Variants in PCDHGA10 observed in about 807,000 individuals in gnomAD.
PCDHGA10 encodes the protein protocadherin gamma subfamily A, 10, also known as protocadherin gamma-A10.
A neutral mutation model predicts 59.5 loss-of-function variants in PCDHGA10; 42 were observed. The ratio of observed to expected loss-of-function variants is 0.71; its 90% CI spans 0.55 to 0.91. PCDHGA10 has a LOEUF of 0.91. Among genes scored for constraint, PCDHGA10 ranks in the 40% least tolerant of loss-of-function variants. PCDHGA10 has a pLI of 0.00. For synonymous variants in PCDHGA10, 511 were observed against 517.2 expected (o/e 0.99, Z 0.16); for missense variants, 1,111 against 1,198.2 (o/e 0.93, Z 1.07).
intron 1 of PCDHGA10, among the ~76,000 whole-genome samples, chr5:141,480,839 G>A (rs1397361640): frequency 6.6e-6 from 1 of 152,196 alleles, no homozygotes; most frequent in Non-Finnish European, 1.5e-5. Context: ...AAGATCAGGA[G>A]TTTGAGACCA....
chr5:141,491,723 G>C lies in PCDHGA10; in HGVS notation c.2437-3084G>C. The C allele has an allele frequency of 1.2e-6, 2 of 1,606,770 alleles. No homozygotes were observed. The highest frequency in any genetic ancestry group is 1.7e-6 in the Non-Finnish European group (2 of 1,177,028). On this transcript the variant is annotated intron_variant, in intron 1 of 3. Transcript: ENST00000398610. The surrounding 1 kb of genome is among the most constrained non-coding windows in gnomAD (Gnocchi z 6.9). The stretch of plus-strand genomic sequence containing the variant: ...CAGGTGAGGGGCTCGGCGCCGCCCC[G>C]GGCGACCCCTGGGGGCGGCACTGGA...
chr5:141,450,568 C>A (rs2098685790), intron 1 of PCDHGA10, among the ~76,000 whole-genome samples: 1 of 152,002 alleles, frequency 6.6e-6, no homozygotes. Flanking sequence ...CTCACTGCAA[C>A]TTCTGCCTCC....
intron 1 of PCDHGA10, chr5:141,418,421 G>A (rs776535087): frequency 2.5e-6 from 4 of 1,613,966 alleles, no homozygotes; most frequent in Non-Finnish European, 3.4e-6. Flanking sequence ...CAATCCTGAT[G>A]GTGGCAAATA....
At chr5:141,479,242 A>G (rs2099491093) in intron 1 of PCDHGA10, 1 of 152,320 alleles carries the variant, frequency 6.6e-6, no homozygotes, top group African/African-American at 2.4e-5. Context: ...AAACCCAAAG[A>G]TAACCATTTT....
chr5:141,472,853 G>A (rs1283601489), intron 1 of PCDHGA10, among the ~76,000 whole-genome samples: 1 of 151,738 alleles, frequency 6.6e-6, no homozygotes, highest in Non-Finnish European at 1.5e-5. Flanking sequence ...GGGCATGGTG[G>A]CACATGCCTG....
chr5:141,419,220 A>G (rs2096345873), intron 1 of PCDHGA10: 1 of 1,613,966 alleles, frequency 6.2e-7, no homozygotes, highest in Non-Finnish European at 8.5e-7. Context: ...GTTTTCGGAC[A>G]GTCAGCCTAC....
At chr5:141,440,954 G>A (rs908507291) in intron 1 of PCDHGA10, 9 of 152,184 alleles carry the variant, frequency 5.9e-5, no homozygotes, top group Non-Finnish European at 1.0e-4. Flanking sequence ...GAGTGTCAAG[G>A]CAGAGATCAC....
chr5:141,437,484 T>C (rs547317864), intron 1 of PCDHGA10, among the ~76,000 whole-genome samples: 2 of 152,332 alleles, frequency 1.3e-5, no homozygotes, highest in South Asian at 4.1e-4. Flanking sequence ...ATATTTAATC[T>C]CGTAGATCAC....
intron 1 of PCDHGA10, among the ~76,000 whole-genome samples, chr5:141,437,514 C>G (rs2097891371): frequency 6.6e-6 from 1 of 152,114 alleles, no homozygotes; most frequent in South Asian, 2.1e-4. Flanking sequence ...AATTATAAGG[C>G]TGATGACAAA....
Position 141,487,649 on chromosome 5 carries a change from G to T in PCDHGA10, c.2437-7158G>T. The T allele has an allele frequency of 1.2e-6, 2 of 1,614,020 alleles. No individual in the cohort carries two copies. The highest frequency in any genetic ancestry group is 1.7e-6 in the Non-Finnish European group (2 of 1,179,968). The stretch of plus-strand genomic sequence containing the variant: ...TTTGCAGGCTCAACAAATGCTTGAG[G>T]GTTATTCTGATCCAGGCATATGGCT... On this transcript the variant is annotated intron_variant, in intron 1 of 3. Coordinates refer to ENST00000398610, the MANE Select transcript of PCDHGA10 (RefSeq NM_018913.3). This position sits in a 1 kb window ranked among gnomAD's most constrained non-coding sequence, Gnocchi z 5.0.
At chr5:141,435,497 C>T (rs1234443531) in intron 1 of PCDHGA10, among the ~76,000 whole-genome samples, 1 of 152,154 alleles carries the variant, frequency 6.6e-6, no homozygotes, top group African/African-American at 2.4e-5. Context: ...ATTTCCTACA[C>T]TAATGATACT....
At chr5:141,500,315 G>C (rs944076867) in intron 2 of PCDHGA10, among the ~76,000 whole-genome samples, 41 of 151,522 alleles carry the variant, frequency 2.7e-4, no homozygotes, top group African/African-American at 9.5e-4. Flanking sequence ...TTCACGCCAT[G>C]CTCCTGCCTC....
At position 141,485,681 on chromosome 5, in the gene PCDHGA10, T is replaced by A; in HGVS notation, c.2437-9126T>A. The A allele has an allele frequency of 6.2e-7, 1 of 1,614,074 alleles. No homozygotes were observed. The highest frequency in any genetic ancestry group is 8.5e-7 in the Non-Finnish European group (1 of 1,179,966). ...TGTGGGGAGCAATTCGATTAGCAGC[T>A]ATAGGCTGAGCTCCAATGAACACTT... On this transcript the variant is annotated intron_variant, in intron 1 of 3. Transcript: ENST00000398610. The surrounding 1 kb of genome is among the most constrained non-coding windows in gnomAD (Gnocchi z 5.7).
chr5:141,472,928 G>A (rs926768431), intron 1 of PCDHGA10, among the ~76,000 whole-genome samples: 13 of 150,136 alleles, frequency 8.7e-5, no homozygotes, highest in Admixed American at 2.7e-4. Flanking sequence ...GGAGGTTGTG[G>A]TGAGCCAAGA....
Position 141,413,881 on chromosome 5 carries a change from G to C in PCDHGA10, c.706G>C (p.Val236Leu), listed in dbSNP as rs774026375. The change falls in exon 1 of 4, where the codon GTC becomes CTC. Residue 236 changes from valine (V) to leucine (L), a missense_variant. Coordinates refer to ENST00000398610, the MANE Select transcript of PCDHGA10 (RefSeq NM_018913.3). ...RSGTVLVSVTVFDANDNAPVF... is the reference protein window; with the variant it reads ...RSGTVLVSVTLFDANDNAPVF... ...TGGCACTGTCCTTGTCAGTGTGACTGTCTTCGATGCAAATGACAACGCGCC... is the reference window on the plus strand; with the variant it reads ...TGGCACTGTCCTTGTCAGTGTGACTCTCTTCGATGCAAATGACAACGCGCC... 3.1e-6 allele frequency: 5 copies of C among 1,613,400 alleles called. No individual in the cohort carries two copies. The highest frequency in any genetic ancestry group is 4.2e-6 in the Non-Finnish European group (5 of 1,179,884).
At chr5:141,427,770 C>T (rs775095791) in intron 1 of PCDHGA10, 2 of 1,399,194 alleles carry the variant, frequency 1.4e-6, no homozygotes, top group Non-Finnish European at 2.0e-6. Context: ...TGACTTGGAG[C>T]TGCGGGCACT....
intron 1 of PCDHGA10, chr5:141,417,697 C>T: frequency 8.8e-7 from 1 of 1,140,966 alleles, no homozygotes; most frequent in Non-Finnish European, 1.2e-6. Context: ...AAAACCAGCT[C>T]CCACACAGAG....
In PCDHGA10 at chr5:141,475,307, T is replaced by C. The variant is rs527879991; in HGVS notation, c.2437-19500T>C. The stretch of plus-strand genomic sequence containing the variant: ...GGTAGGGAAATTTCTTATTGCTCCC[T>C]GGTTCTTAAGAAATGAGAGCTAACA... On this transcript the variant is annotated intron_variant, in intron 1 of 3. Transcript: ENST00000398610. 2.8e-4 allele frequency among the ~76,000 whole-genome samples: 43 copies of C among 152,348 alleles called. 1 individual carries two copies. Among genetic ancestry groups the C allele is most frequent in the Admixed American group, 8.5e-4 (13 of 15,298 alleles).
intron 1 of PCDHGA10, among the ~76,000 whole-genome samples, chr5:141,467,743 C>T (rs1166073224): frequency 8.5e-5 from 13 of 152,052 alleles, no homozygotes; most frequent in Non-Finnish European, 1.8e-4. Flanking sequence ...CTCGCTGCAA[C>T]CTCCGCCTCA....
Sources: gnomAD v4.1 joint callset for allele counts (sites outside exome capture counted in the v4.1 genomes callset) on GRCh38, gnomAD v4.1.1 for gene constraint, Gnocchi (gnomAD v3.1) non-coding constraint, MANE v1.5 for transcripts, NCBI Gene and HGNC (gene_info 2026-07-23, HGNC 2026-07-21) for gene names.